GNG12: variants seen among roughly 807,000 people sequenced by gnomAD.
GNG12 encodes G protein subunit gamma 12.
For missense variants in GNG12, 69 were observed against 83.8 expected, an observed-to-expected ratio of 0.82 and a Z score of 0.69; for synonymous variants, 28 against 29.7, an observed-to-expected ratio of 0.94 and a Z score of 0.19.
intron 2 of GNG12, among the ~76,000 whole-genome samples, chr1:67,717,162 C>T (rs1233155952): frequency 1.3e-5 from 2 of 152,138 alleles, no homozygotes; most frequent in Non-Finnish European, 2.9e-5. Flanking sequence ...ATCAGAGTCT[C>T]CGCCTCTTGA....
At chr1:67,756,818 T>C (rs1195221309) in intron 2 of GNG12, among the ~76,000 whole-genome samples, 2 of 152,116 alleles carry the variant, frequency 1.3e-5, no homozygotes, top group Non-Finnish European at 2.9e-5. Context: ...CTAAAACCAA[T>C]CAACTGGTCT....
chr1:67,743,206 C>T (rs1052572070), intron 2 of GNG12, among the ~76,000 whole-genome samples: 1 of 152,088 alleles, frequency 6.6e-6, no homozygotes, highest in African/African-American at 2.4e-5. Flanking sequence ...GTAGGGGCAG[C>T]TGGGTGAGAA....
chr1:67,805,202 C>G (rs999919878), intron 1 of GNG12, among the ~76,000 whole-genome samples: 3 of 152,176 alleles, frequency 2.0e-5, no homozygotes, highest in Non-Finnish European at 4.4e-5. Flanking sequence ...AGGTACAGAA[C>G]ACTTCTGTTA....
chr1:67,702,929 A>G lies in GNG12; in HGVS notation c.*2522T>C, dbSNP rs913755059. The G allele has an allele frequency of 1.4e-4, 22 of 152,336 alleles. No individual in the cohort carries two copies. Among genetic ancestry groups the G allele is most frequent in the African/African-American group, 4.8e-4 (20 of 41,574 alleles). The allele number at this position is 152,336 out of a possible 1,614,324, so 9.4% of individuals were successfully genotyped here. On this transcript the variant is annotated 3_prime_UTR_variant, in exon 4 of 4. Transcript: ENST00000370982. ...TACAGTGGTAGTTGGAAAAAGTAAC[A>G]AACACTGGGTATTTGTCTATCATTA...
At chr1:67,751,914 C>T (rs904654426) in intron 2 of GNG12, among the ~76,000 whole-genome samples, 14 of 152,160 alleles carry the variant, frequency 9.2e-5, no homozygotes, top group South Asian at 2.1e-4. Context: ...TAAGCTAAGT[C>T]GGCATTTAAG....
At chr1:67,767,550 C>G (rs1323165133) in intron 2 of GNG12, among the ~76,000 whole-genome samples, 1 of 152,236 alleles carries the variant, frequency 6.6e-6, no homozygotes, top group Non-Finnish European at 1.5e-5. Flanking sequence ...TGCAACCCTC[C>G]TTCCAGACCT....
chr1:67,800,013 C>T (rs1391673491), intron 1 of GNG12, among the ~76,000 whole-genome samples: 1 of 152,124 alleles, frequency 6.6e-6, no homozygotes, highest in Non-Finnish European at 1.5e-5. Context: ...GGATATTCTT[C>T]TTTGAAACTA....
At position 67,790,610 on chromosome 1, in the gene GNG12, C is replaced by CT. The variant is rs34333997; in HGVS notation, c.-76-13104dup. ...TGACTGCATAGGCCATAGTTTATTC[C>CT]TTTTTTTTTTTTTTTTTGAGATGGA... On this transcript the variant is annotated intron_variant, in intron 1 of 3. Coordinates refer to ENST00000370982, the MANE Select transcript of GNG12 (RefSeq NM_018841.6). Among the ~76,000 whole-genome samples, 225 of 125,362 alleles carry CT rather than the reference C, an allele frequency of 1.8e-3. 1 individual carries two copies. Among genetic ancestry groups the CT allele is most frequent in the East Asian group, 3.5e-3 (15 of 4,240 alleles). The allele number at this position is 125,362 out of a possible 152,430, so 82.2% of individuals were successfully genotyped here.
intron 1 of GNG12, among the ~76,000 whole-genome samples, chr1:67,800,567 T>C (rs1646859003): frequency 1.3e-5 from 2 of 152,214 alleles, no homozygotes; most frequent in Non-Finnish European, 2.9e-5. Flanking sequence ...ACATACTTTA[T>C]TACCAGCAGA....
chr1:67,799,014 T>C (rs1282057674), intron 1 of GNG12, among the ~76,000 whole-genome samples: 2 of 152,180 alleles, frequency 1.3e-5, no homozygotes, highest in African/African-American at 4.8e-5. Flanking sequence ...CCTCATGCTT[T>C]TCTTAATACG....
rs113065709 is a variant in GNG12 at position 67,748,518 on chromosome 1, G to T, written c.-27+28940C>A. Among the ~76,000 whole-genome samples the T allele has an allele frequency of 4.9e-3, 748 of 152,286 alleles. 5 individuals are homozygous for T. Among genetic ancestry groups the T allele is most frequent in the African/African-American group, 0.017 (690 of 41,550 alleles). ...GGCACAAAAAACAGAAATCGTGCTTGGGGGGATAAGAAGAGAGGGTGGAGG... is the reference window on the plus strand; with the variant it reads ...GGCACAAAAAACAGAAATCGTGCTTTGGGGGATAAGAAGAGAGGGTGGAGG... On this transcript the variant is annotated intron_variant, in intron 2 of 3. Coordinates refer to ENST00000370982, the MANE Select transcript of GNG12 (RefSeq NM_018841.6).
At chr1:67,814,990 C>T (rs1646945380) in intron 1 of GNG12, among the ~76,000 whole-genome samples, 1 of 152,188 alleles carries the variant, frequency 6.6e-6, no homozygotes, top group African/African-American at 2.4e-5. Flanking sequence ...CCAAGCTGCA[C>T]TTTTGAGATT....
chr1:67,763,090 G>GGAGGGAGAGAGAGA lies in GNG12; in HGVS notation c.-27+14367_-27+14368insTCTCTCTCTCCCTC, dbSNP rs1553157314. Among the ~76,000 whole-genome samples the GGAGGGAGAGAGAGA allele has an allele frequency of 1.2e-4, 14 of 116,790 alleles. 1 individual carries two copies. Among genetic ancestry groups the GGAGGGAGAGAGAGA allele is most frequent in the African/African-American group, 4.5e-4 (14 of 30,924 alleles). 76.6% of individuals were successfully genotyped at this position (116,790 alleles called of 152,430 possible). ...CTATATTTAACACCCTACCCTCCCA[G>GGAGGGAGAGAGAGA]GAGAGAGAGAGAGAGAGAGAGAGAG... On this transcript the variant is annotated intron_variant, in intron 2 of 3. Transcript: ENST00000370982.
At chr1:67,719,879 A>C (rs937185579) in intron 2 of GNG12, among the ~76,000 whole-genome samples, 1 of 152,224 alleles carries the variant, frequency 6.6e-6, no homozygotes, top group Non-Finnish European at 1.5e-5. Flanking sequence ...ATCTTCTCTC[A>C]TATTGACTAA....
intron 1 of GNG12, among the ~76,000 whole-genome samples, chr1:67,792,637 C>A (rs1334893026): frequency 6.6e-6 from 1 of 152,132 alleles, no homozygotes; most frequent in East Asian, 1.9e-4. Flanking sequence ...ACATTGTCTG[C>A]CTTATTTGTG....
intron 2 of GNG12, among the ~76,000 whole-genome samples, chr1:67,745,074 A>G (rs1285597127): frequency 1.3e-5 from 2 of 152,232 alleles, no homozygotes; most frequent in Non-Finnish European, 2.9e-5. Flanking sequence ...ATGTATTAGT[A>G]TTTGTAAAGT....
intron 2 of GNG12, among the ~76,000 whole-genome samples, chr1:67,753,970 G>GCTGC (rs1217337492): frequency 5.3e-5 from 8 of 152,178 alleles, no homozygotes; most frequent in Admixed American, 2.6e-4. Context: ...TCTTCATGAG[G>GCTGC]CTGCCCTACA....
At chr1:67,724,223 G>A (rs185972817) in intron 2 of GNG12, among the ~76,000 whole-genome samples, 33 of 152,288 alleles carry the variant, frequency 2.2e-4, no homozygotes, top group Non-Finnish European at 3.1e-4. Context: ...AGAAGGGGAT[G>A]AGCTCAGGAC....
intron 1 of GNG12, among the ~76,000 whole-genome samples, chr1:67,779,321 G>C (rs959118521): frequency 1.3e-5 from 2 of 152,172 alleles, no homozygotes; most frequent in African/African-American, 4.8e-5. Flanking sequence ...AGGCTGGTCA[G>C]TGACACCGTA....
Sources: allele counts gnomAD v4.1 joint callset (sites outside exome capture counted in the v4.1 genomes callset), GRCh38; gene constraint gnomAD v4.1.1; transcripts MANE v1.5; gene names NCBI Gene and HGNC (gene_info 2026-07-23, HGNC 2026-07-21).